TMEM131L: variants seen among roughly 807,000 people sequenced by gnomAD.
The protein encoded by TMEM131L is transmembrane protein 131-like.
Under a neutral mutation model 192.2 loss-of-function variants are expected in TMEM131L, and 54 were observed. The observed-to-expected ratio is 0.28, with a 90% CI of 0.23 to 0.35. The LOEUF (loss-of-function observed/expected upper bound fraction) is 0.35. Among genes scored for constraint, TMEM131L ranks in the 10% least tolerant of loss-of-function variants. The probability of loss-of-function intolerance (pLI) is 1.00; values close to 1 mark genes in which losing one functional copy is unlikely to be tolerated. For missense variants in TMEM131L, 1,888 were observed against 1,972.9 expected, an observed-to-expected ratio of 0.96 and a Z score of 0.82; for synonymous variants, 701 against 704.9, an observed-to-expected ratio of 0.99 and a Z score of 0.09.
intron 26 of TMEM131L, among the ~76,000 whole-genome samples, chr4:153,615,031 T>C (rs1732878491): frequency 6.6e-6 from 1 of 152,198 alleles, no homozygotes; most frequent in South Asian, 2.1e-4. Flanking sequence ...GTCAAAGCAA[T>C]GCTGTTATCA....
chr4:153,493,345 C>CAAAAAAAAAAAAAAAAAA lies in TMEM131L; in HGVS notation c.239+19462_239+19479dup, dbSNP rs35052272. Among the ~76,000 whole-genome samples, 82 of 72,854 alleles carry CAAAAAAAAAAAAAAAAAA rather than the reference C, an allele frequency of 1.1e-3. 1 individual carries two copies. Among genetic ancestry groups the CAAAAAAAAAAAAAAAAAA allele is most frequent in the African/African-American group, 5.3e-3 (80 of 15,086 alleles). The allele number at this position is 72,854 out of a possible 152,430, so 47.8% of individuals were successfully genotyped here. A position where few individuals can be genotyped will look rare whatever the true frequency, so the allele number is the denominator to read the frequency against. On this transcript the variant is annotated intron_variant, in intron 3 of 34. Coordinates refer to ENST00000409959, the MANE Select transcript of TMEM131L (RefSeq NM_001131007.2). ...TGGGTGACAGAGTGAGACTCTGTCT[C>CAAAAAAAAAAAAAAAAAA]AAAAAAAAAAAAAAAAAAAAAAGAT...
At chr4:153,495,542 T>G (rs989421876) in intron 3 of TMEM131L, among the ~76,000 whole-genome samples, 1 of 152,160 alleles carries the variant, frequency 6.6e-6, no homozygotes, top group Non-Finnish European at 1.5e-5. Context: ...AGTCCTTGAT[T>G]AGTCTTTGAG....
intron 26 of TMEM131L, among the ~76,000 whole-genome samples, chr4:153,617,267 T>C (rs952496642): frequency 3.9e-5 from 6 of 152,204 alleles, no homozygotes; most frequent in African/African-American, 9.6e-5. Flanking sequence ...GAGGCCTCCC[T>C]AGCCACATGG....
intron 26 of TMEM131L, among the ~76,000 whole-genome samples, chr4:153,617,444 G>A (rs1473335538): frequency 6.6e-6 from 1 of 152,226 alleles, no homozygotes; most frequent in Non-Finnish European, 1.5e-5. Flanking sequence ...CACATGTCAT[G>A]TCTGAGAATG....
At chr4:153,577,045 G>A (rs759769703) in intron 7 of TMEM131L, among the ~76,000 whole-genome samples, 2 of 152,184 alleles carry the variant, frequency 1.3e-5, no homozygotes, top group African/African-American at 2.4e-5. Flanking sequence ...AGAAGTTGCT[G>A]TGGTGTCTGA....
intron 29 of TMEM131L, among the ~76,000 whole-genome samples, chr4:153,624,602 C>T (rs1007876834): frequency 2.0e-5 from 3 of 152,196 alleles, no homozygotes; most frequent in Admixed American, 6.5e-5. Context: ...CCACACGCCC[C>T]GTGAGAAGGG....
chr4:153,596,072 A>C (rs1019326333), intron 19 of TMEM131L, among the ~76,000 whole-genome samples, 186 bp from the exon 20 acceptor site: 1 of 152,184 alleles, frequency 6.6e-6, no homozygotes, highest in Non-Finnish European at 1.5e-5. Flanking sequence ...TATATTTCTT[A>C]GCTATGGCTC....
chr4:153,472,594 GAGAT>G, intron 2 of TMEM131L, among the ~76,000 whole-genome samples: 1 of 152,268 alleles, frequency 6.6e-6, no homozygotes, highest in South Asian at 2.1e-4. Context: ...TGGAAGCAGA[GAGAT>G]AGACAGTAAA....
intron 3 of TMEM131L, among the ~76,000 whole-genome samples, chr4:153,518,162 A>G (rs1331417610): frequency 6.6e-6 from 1 of 152,206 alleles, no homozygotes; most frequent in Non-Finnish European, 1.5e-5. Context: ...TTTAGAATTG[A>G]GGCCGAGGTC....
At chr4:153,635,820 C>G (rs1306484341) in intron 34 of TMEM131L, among the ~76,000 whole-genome samples, 1 of 152,196 alleles carries the variant, frequency 6.6e-6, no homozygotes, top group African/African-American at 2.4e-5. Context: ...TCCCCAAACA[C>G]ACCAAGCAAT....
chr4:153,573,321 G>C lies in TMEM131L; in HGVS notation c.661-7505G>C, dbSNP rs1490130132. ...CCCATGCTACTCAAGGTCAAGCGAC[G>C]GCAGCCTGCATCACAAAGCTTAAAC... On this transcript the variant is annotated intron_variant, in intron 7 of 34. Transcript: ENST00000409959. Among the ~76,000 whole-genome samples the C allele has an allele frequency of 2.0e-5, 3 of 152,224 alleles. No individual in the cohort carries two copies. The East Asian group carries it at 5.8e-4, about 29-fold the overall frequency.
At chr4:153,472,850 G>C (rs1224828597) in intron 2 of TMEM131L, among the ~76,000 whole-genome samples, 4 of 152,220 alleles carry the variant, frequency 2.6e-5, no homozygotes, top group Non-Finnish European at 5.9e-5. Flanking sequence ...TGGTTGGCAA[G>C]ATCAGACTGG....
chr4:153,597,186 C>G (rs530770438), intron 20 of TMEM131L, among the ~76,000 whole-genome samples: 70 of 151,848 alleles, frequency 4.6e-4, no homozygotes, highest in Non-Finnish European at 7.9e-4. Flanking sequence ...AGAGTTTATT[C>G]ATTAAGCATT....
intron 3 of TMEM131L, among the ~76,000 whole-genome samples, chr4:153,496,479 G>T (rs755640600): frequency 6.6e-6 from 1 of 152,304 alleles, no homozygotes; most frequent in East Asian, 1.9e-4. Flanking sequence ...AGTCCCCTCT[G>T]CATAGGTCAC....
rs1456833795 is a variant in TMEM131L, at chr4:153,555,316, T to G, written c.309-471T>G. 6.6e-6 allele frequency among the ~76,000 whole-genome samples: 1 copy of G among 152,234 alleles called. No homozygotes were observed. Among genetic ancestry groups the G allele is most frequent in the Admixed American group, 6.5e-5 (1 of 15,278 alleles). On this transcript the variant is annotated intron_variant, in intron 4 of 34. Coordinates refer to ENST00000409959, the MANE Select transcript of TMEM131L (RefSeq NM_001131007.2). The surrounding 1 kb of genome is among the most constrained non-coding windows in gnomAD (Gnocchi z 4.1). ...CCCTAAGAAAAATTGGGTTTTTCTG[T>G]GAGTACAGTTTCTTACCTAAACATA...
chr4:153,538,984 G>A (rs910938385), intron 3 of TMEM131L, among the ~76,000 whole-genome samples: 2 of 152,198 alleles, frequency 1.3e-5, no homozygotes, highest in Admixed American at 6.5e-5. Context: ...ATGCAGAGAA[G>A]CCTTGGAAAT....
chr4:153,484,990 G>C (rs1732218847), intron 3 of TMEM131L, among the ~76,000 whole-genome samples: 1 of 149,498 alleles, frequency 6.7e-6, no homozygotes. Flanking sequence ...GTGGTGGCGG[G>C]CGCCTGTAGT....
At chr4:153,586,141 A>T (rs1335155678) in intron 13 of TMEM131L, 68 bp from the exon 14 acceptor site, 18 of 1,155,792 alleles carry the variant, frequency 1.6e-5, no homozygotes, top group Non-Finnish European at 1.2e-6. Context: ...TTAGCATCAT[A>T]CTTTATAATG....
rs77679969 is a variant in TMEM131L at position 153,544,165 on chromosome 4, G to A, written c.240-5908G>A. ...GCATCTCAAAGACAGCTAGCTAGATGTGGGGGCATCAAGAGATGGATGAAA... is the reference window on the plus strand; with the variant it reads ...GCATCTCAAAGACAGCTAGCTAGATATGGGGGCATCAAGAGATGGATGAAA... On this transcript the variant is annotated intron_variant, in intron 3 of 34. Coordinates refer to ENST00000409959, the MANE Select transcript of TMEM131L (RefSeq NM_001131007.2). Among the ~76,000 whole-genome samples, 9 of 152,336 alleles carry A rather than the reference G, an allele frequency of 5.9e-5. No homozygotes were observed. The East Asian group carries it at 1.7e-3, about 29-fold the overall frequency.
Sources: allele counts gnomAD v4.1 joint callset (sites outside exome capture counted in the v4.1 genomes callset), GRCh38; gene constraint gnomAD v4.1.1; non-coding constraint Gnocchi (gnomAD v3.1); transcripts MANE v1.5; gene names NCBI Gene and HGNC (gene_info 2026-07-23, HGNC 2026-07-21).